The following SPNS3 variants were observed in gnomAD, a reference collection of about 807,000 sequenced individuals.
SPNS3 encodes protein spinster homolog 3.
A neutral mutation model predicts 54.4 loss-of-function variants in SPNS3; 51 were observed. That is an observed-to-expected ratio of 0.94 (90% confidence interval 0.75 to 1.18). SPNS3 has a LOEUF of 1.18. Ranked by LOEUF, SPNS3 falls within the 50% of genes most tolerant of loss-of-function variation. The probability of loss-of-function intolerance (pLI) is 0.00; values close to 1 mark genes in which losing one functional copy is unlikely to be tolerated. For synonymous variants in SPNS3, 309 were observed against 294.7 expected, an observed-to-expected ratio of 1.05 and a Z score of -0.50; for missense variants, 669 against 677.4, an observed-to-expected ratio of 0.99 and a Z score of 0.14.
intron 9 of SPNS3, among the ~76,000 whole-genome samples, chr17:4,480,552 C>T (rs1387342279): frequency 2.6e-5 from 4 of 152,198 alleles, no homozygotes; most frequent in Admixed American, 2.6e-4. Context: ...ATGACAGCCC[C>T]ACAGATATGT....
rs1376726363 is a variant in SPNS3, at chr17:4,453,157, C to G, written c.1065C>G (p.Cys355Trp). ...CASSLLATAPCLYLALVLAPT... is the reference protein window; with the variant it reads ...CASSLLATAPWLYLALVLAPT... The stretch of plus-strand genomic sequence containing the variant: ...CCAGCCTGCTTGCCACAGCCCCCTG[C>G]CTCTACCTGGCTCTCGTCCTGGCCC... The change falls in exon 8 of 12, where the codon TGC becomes TGG. Residue 355 changes from cysteine to tryptophan, a missense_variant. By Grantham distance (215) the Cys-to-Trp change is radical. Coordinates refer to ENST00000355530, the MANE Select transcript of SPNS3 (RefSeq NM_182538.5). 4 of 1,613,896 alleles carry G rather than the reference C, an allele frequency of 2.5e-6. No homozygotes were observed. The African/African-American group carries it at 5.3e-5, about 22-fold the overall frequency.
At chr17:4,437,860 C>T (rs1234686299) in intron 1 of SPNS3, among the ~76,000 whole-genome samples, 1 of 150,786 alleles carries the variant, frequency 6.6e-6, no homozygotes, top group Non-Finnish European at 1.5e-5. Context: ...GATCTCAGCT[C>T]ACTGCAACCT....
intron 2 of SPNS3, among the ~76,000 whole-genome samples, chr17:4,443,865 C>A (rs1970914244): frequency 6.6e-6 from 1 of 152,242 alleles, no homozygotes; most frequent in Non-Finnish European, 1.5e-5. Context: ...CTTTAGGAGG[C>A]CGAGGTGGGC....
At chr17:4,478,751 C>T in intron 9 of SPNS3, 114 bp downstream of exon 9, 1 of 997,942 alleles carries the variant, frequency 1.0e-6, no homozygotes, top group Non-Finnish European at 1.5e-6. Context: ...CATTAGGGGA[C>T]CAAAGCCATT....
chr17:4,478,578 C>T lies in SPNS3; in HGVS notation c.1120C>T (p.Leu374=). 1 of 1,577,178 alleles carries T rather than the reference C, an allele frequency of 6.3e-7. No homozygotes were observed. The highest frequency in any genetic ancestry group is 8.6e-7 in the Non-Finnish European group (1 of 1,160,850). Reference sequence around the variant, plus strand: ...GGCCACCCTCTGTCCACAGGTGTTCCTGGGCCTTGGGGAGCTGCTTCTGTC... The same window carrying T: ...GGCCACCCTCTGTCCACAGGTGTTCTTGGGCCTTGGGGAGCTGCTTCTGTC... ...PTTLLASYVF[L]GLGELLLSCN... is the part of the protein sequence containing the mutation. Residue 374 remains leucine, a synonymous_variant, in exon 9 of 12, where the codon CTG becomes TTG. Transcript: ENST00000355530.
chr17:4,451,817 C>T lies in SPNS3; in HGVS notation c.924-1199C>T, dbSNP rs76690958. Among the ~76,000 whole-genome samples, 1,073 of 151,840 alleles carry T rather than the reference C, an allele frequency of 7.1e-3. 12 individuals are homozygous for T. Among genetic ancestry groups the T allele is most frequent in the African/African-American group, 0.025 (1,027 of 41,388 alleles). ...TGAGTGGGCTGGGATTACAGGTGCC[C>T]ACCACTGTTCCCAGCTAATTTTTGT... On this transcript the variant is annotated intron_variant, in intron 7 of 11. Transcript: ENST00000355530.
intron 8 of SPNS3, among the ~76,000 whole-genome samples, chr17:4,470,017 G>A (rs563500017): frequency 2.0e-5 from 3 of 152,050 alleles, no homozygotes; most frequent in Non-Finnish European, 2.9e-5. Context: ...TTAGGTAACC[G>A]TCATTCCGTA....
intron 2 of SPNS3, among the ~76,000 whole-genome samples, chr17:4,442,047 T>C (rs1970867552): frequency 7.0e-6 from 1 of 143,590 alleles, no homozygotes; most frequent in African/African-American, 2.6e-5. Context: ...AAGGTCATCT[T>C]TGCAGAAGCA....
chr17:4,473,345 C>G (rs902442370), intron 8 of SPNS3, among the ~76,000 whole-genome samples: 3 of 151,158 alleles, frequency 2.0e-5, no homozygotes, highest in African/African-American at 7.3e-5. Flanking sequence ...GCCAGCATGG[C>G]TGTCACTGAG....
At position 4,478,569 on chromosome 17, in the gene SPNS3, C is replaced by A; in HGVS notation, c.1114-3C>A. On this transcript the variant is annotated splice_polypyrimidine_tract_variant and splice_region_variant and intron_variant, in intron 8 of 11. Transcript: ENST00000355530. ...CCTCACCCAGGCCACCCTCTGTCCA[C>A]AGGTGTTCCTGGGCCTTGGGGAGCT... is the stretch of plus-strand genomic sequence containing the variant. 6.4e-7 allele frequency: 1 copy of A among 1,570,872 alleles called. No homozygotes were observed.
Position 4,472,774 on chromosome 17 carries a change from C to CATTTTTTTTTTTTTTT in SPNS3, c.1114-5798_1114-5797insATTTTTTTTTTTTTTT, listed in dbSNP as rs1567572187. 9.0e-4 allele frequency among the ~76,000 whole-genome samples: 46 copies of CATTTTTTTTTTTTTTT among 50,976 alleles called. 2 individuals are homozygous for CATTTTTTTTTTTTTTT. The highest frequency in any genetic ancestry group is 4.0e-3 in the African/African-American group (45 of 11,270). 33.4% of individuals were successfully genotyped at this position (50,976 alleles called of 152,430 possible). On this transcript the variant is annotated intron_variant, in intron 8 of 11. Transcript: ENST00000355530. ...ATTGTCTGCTCTTTTGCTTGGCAGCCTTTTTTTTTTTTTTTTTTTTTTTTT... is the reference window on the plus strand; with the variant it reads ...ATTGTCTGCTCTTTTGCTTGGCAGCCATTTTTTTTTTTTTTTTTTTTTTTTTTTTTTTTTTTTTTTT...
At chr17:4,443,134 G>A (rs1169744341) in intron 2 of SPNS3, among the ~76,000 whole-genome samples, 2 of 151,840 alleles carry the variant, frequency 1.3e-5, no homozygotes, top group Non-Finnish European at 2.9e-5. Context: ...GCAGTGGTGC[G>A]ATCTCAGCTC....
intron 8 of SPNS3, among the ~76,000 whole-genome samples, chr17:4,467,576 C>G (rs1971714919): frequency 6.6e-6 from 1 of 152,144 alleles, no homozygotes; most frequent in South Asian, 2.1e-4. Flanking sequence ...GGGCAATGCT[C>G]TAAGATAGCA....
chr17:4,487,827 T>C lies in SPNS3; in HGVS notation c.1472T>C (p.Val491Ala). ...PVTGTPDSNDVDSNDLERQGL... is the reference protein window; with the variant it reads ...PVTGTPDSNDADSNDLERQGL... ...GCAGGGACCCCAGACAGCAATGATGTGGACAGCAACGACCTGGAGAGACAA... is the reference window on the plus strand; with the variant it reads ...GCAGGGACCCCAGACAGCAATGATGCGGACAGCAACGACCTGGAGAGACAA... Residue 491 changes from valine (V) to alanine (A), a missense_variant, in exon 12 of 12, where the codon GTG becomes GCG. Val to Ala is a moderately conservative substitution (Grantham distance 64). Transcript: ENST00000355530. 6.2e-7 allele frequency: 1 copy of C among 1,614,096 alleles called. No individual in the cohort carries two copies. The highest frequency in any genetic ancestry group is 8.5e-7 in the Non-Finnish European group (1 of 1,179,908).
chr17:4,459,922 G>A (rs994032033), intron 8 of SPNS3, among the ~76,000 whole-genome samples: 20 of 152,160 alleles, frequency 1.3e-4, no homozygotes, highest in African/African-American at 4.3e-4. Flanking sequence ...AGGAAATAGG[G>A]AGAGTGTGAG....
chr17:4,463,676 TTGCAGTGAGCCGAAATCG>T (rs201043021), intron 8 of SPNS3, among the ~76,000 whole-genome samples: 8,711 of 150,964 alleles, frequency 0.058, 323 homozygotes, highest in Middle Eastern at 0.12. Flanking sequence ...GAGGTGGAGG[TTGCAGTGAGCCGAAATCG>T]TGCCACTGCA....
At chr17:4,449,864 G>T (rs149413080) in intron 7 of SPNS3, among the ~76,000 whole-genome samples, 115 of 152,164 alleles carry the variant, frequency 7.6e-4, no homozygotes, top group African/African-American at 2.6e-3. Flanking sequence ...GGGGAGGCGC[G>T]GGCACTCTGC....
Position 4,443,191 on chromosome 17 carries a change from C to G in SPNS3, c.266-1841C>G, listed in dbSNP as rs556262044. Reference sequence around the variant, plus strand: ...GTTCAAGCAATTCTTCTCCCTCAGCCTCCCCAGTAGCTGGGATTACAGGCG... The same window carrying G: ...GTTCAAGCAATTCTTCTCCCTCAGCGTCCCCAGTAGCTGGGATTACAGGCG... On this transcript the variant is annotated intron_variant, in intron 2 of 11. Transcript: ENST00000355530. Among the ~76,000 whole-genome samples the G allele has an allele frequency of 1.3e-3, 202 of 152,258 alleles. 1 individual carries two copies. The highest frequency in any genetic ancestry group is 2.3e-3 in the Non-Finnish European group (159 of 68,018).
At position 4,434,654 on chromosome 17, in the gene SPNS3, A is replaced by T. The variant is rs141059564; in HGVS notation, c.199+488A>T. Among the ~76,000 whole-genome samples, 517 of 149,496 alleles carry T rather than the reference A, an allele frequency of 3.5e-3. 2 individuals carry two copies. Among genetic ancestry groups the T allele is most frequent in the Non-Finnish European group, 5.7e-3 (385 of 67,450 alleles). On this transcript the variant is annotated intron_variant, in intron 1 of 11. Coordinates refer to ENST00000355530, the MANE Select transcript of SPNS3 (RefSeq NM_182538.5). ...TGGGATTACAGGCGTGCACCACCAC[A>T]TCCGGCTAATTTTTGTATTTTGAGT...
Sources: allele counts gnomAD v4.1 joint callset (sites outside exome capture counted in the v4.1 genomes callset), GRCh38; gene constraint gnomAD v4.1.1; transcripts MANE v1.5; gene names NCBI Gene and HGNC (gene_info 2026-07-23, HGNC 2026-07-21).